The following ABCC10 variants were observed in gnomAD, a reference collection of about 807,000 sequenced individuals.
ABCC10 encodes the protein ATP-binding cassette sub-family C member 10.
A neutral mutation model predicts 143.2 loss-of-function variants in ABCC10; 110 were observed. That is an observed-to-expected ratio of 0.77 (90% CI 0.66 to 0.90). ABCC10 has a LOEUF of 0.90. ABCC10 is among the 40% of genes least tolerant of loss of function. The pLI is 0.00. For missense variants in ABCC10, 1,700 were observed against 1,900.5 expected (o/e 0.89, Z 1.96); for synonymous variants, 805 against 846.7 (o/e 0.95, Z 0.85).
intron 9 of ABCC10, 22 bp from the exon 10 acceptor site, chr6:43,442,948 C>T (rs538074778): frequency 3.0e-5 from 46 of 1,546,208 alleles, no homozygotes; most frequent in Middle Eastern, 3.5e-4. Context: ...CTGGTGCCCA[C>T]GGTACCCTCA....
At chr6:43,448,314 A>C (rs1355748426) in intron 18 of ABCC10, among the ~76,000 whole-genome samples, 1 of 152,150 alleles carries the variant, frequency 6.6e-6, no homozygotes, top group Non-Finnish European at 1.5e-5. Flanking sequence ...GCCTCACTGG[A>C]GGGTATACAA....
At chr6:43,431,293 A>G (rs1581700677) in intron 2 of ABCC10, among the ~76,000 whole-genome samples, 1 of 152,362 alleles carries the variant, frequency 6.6e-6, no homozygotes, top group Non-Finnish European at 1.5e-5. Context: ...ATTTAAGGGT[A>G]CTGTTAGGTG....
At chr6:43,437,749 A>C (rs1334228462) in intron 6 of ABCC10, among the ~76,000 whole-genome samples, 185 bp from the exon 7 acceptor site, 1 of 151,252 alleles carries the variant, frequency 6.6e-6, no homozygotes, top group African/African-American at 2.4e-5. Flanking sequence ...AAAACACCCT[A>C]CTTTTCTAGA....
downstream of ABCC10, among the ~76,000 whole-genome samples, chr6:43,451,759 CA>C (rs1222310539): frequency 3.4e-5 from 5 of 146,500 alleles, no homozygotes; most frequent in African/African-American, 7.5e-5. This position sits in a 1 kb window ranked among gnomAD's most constrained non-coding sequence, Gnocchi z 4.4. Flanking sequence ...TCAGAAGGTA[CA>C]AAAAAAAAAG....
At position 43,442,992 on chromosome 6, in the gene ABCC10, A is replaced by T; in HGVS notation, c.2249A>T (p.Asp750Val). The change falls in exon 10 of 22, where the codon GAT becomes GTT. Residue 750 changes from aspartate to valine, a missense_variant. By Grantham distance (152) the Asp-to-Val change is radical (BLOSUM62 -3). Transcript: ENST00000372530. ...TAGGAAAAGGAGCTCTATCTCCTCGATGACCCTCTGGCCGCTGTGGATGCA... is the reference window on the plus strand; with the variant it reads ...TAGGAAAAGGAGCTCTATCTCCTCGTTGACCCTCTGGCCGCTGTGGATGCA... The part of the protein sequence containing the change: ...VYQEKELYLL[D>V]DPLAAVDADV... 1 of 1,602,144 alleles carries T rather than the reference A, an allele frequency of 6.2e-7. No individual in the cohort carries two copies. The highest frequency in any genetic ancestry group is 8.5e-7 in the Non-Finnish European group (1 of 1,174,766).
chr6:43,449,619 T>A (rs1339226424), intron 21 of ABCC10, 85 bp downstream of exon 21: 4 of 1,170,372 alleles, frequency 3.4e-6, no homozygotes, highest in Non-Finnish European at 4.9e-6. Flanking sequence ...ACCCCAGTGG[T>A]CAGGGCCTTA....
chr6:43,445,525 A>G, intron 14 of ABCC10, 74 bp from the exon 15 acceptor site: 1 of 1,444,310 alleles, frequency 6.9e-7, no homozygotes, highest in Non-Finnish European at 9.5e-7. Flanking sequence ...CCTCCACCCC[A>G]CCTCCCCCAG....
At chr6:43,439,740 T>C (rs535760595) in intron 8 of ABCC10, among the ~76,000 whole-genome samples, 98 of 151,172 alleles carry the variant, frequency 6.5e-4, no homozygotes, top group Non-Finnish European at 9.7e-4. Flanking sequence ...CGTGCCACCA[T>C]GCCCAGCTAA....
In ABCC10 at chr6:43,432,546, G is replaced by A. The variant is rs1480336375; in HGVS notation, c.566G>A (p.Trp189Ter). 1 of 1,613,054 alleles carries A rather than the reference G, an allele frequency of 6.2e-7. No homozygotes were observed. Among genetic ancestry groups the A allele is most frequent in the Admixed American group, 1.7e-5 (1 of 60,030 alleles). The change falls in exon 3 of 22, where the codon TGG becomes TAG. Residue 189 changes from tryptophan (W) to a stop codon, truncating the protein, a stop_gained. Transcript: ENST00000372530. LOFTEE classifies it high-confidence loss of function. ...GCACTCTTGGCCTATGCACTGGGAT[G>A]GGCAGCTCCTGGGGGACCACGAGAA... is the stretch of plus-strand genomic sequence containing the variant. ...LAALLAYALGWAAPGGPREPW... is the reference protein window; with the variant it reads ...LAALLAYALG
intron 4 of ABCC10, 143 bp downstream of exon 4, chr6:43,434,991 CT>C: frequency 1.2e-6 from 1 of 839,564 alleles, no homozygotes. Context: ...CTGAAGAAAC[CT>C]TTTTGTGGGG....
At chr6:43,435,698 A>AT in intron 4 of ABCC10, 53 bp from the exon 5 acceptor site, 1 of 1,591,002 alleles carries the variant, frequency 6.3e-7, no homozygotes, top group East Asian at 2.2e-5. Context: ...CTTCCCATAG[A>AT]AACAGGCCCT....
Position 43,445,951 on chromosome 6 carries a change from A to G in ABCC10, c.3374+9A>G, listed in dbSNP as rs369273723. On this transcript the variant is annotated intron_variant, in intron 15 of 21. Coordinates refer to ENST00000372530, the MANE Select transcript of ABCC10 (RefSeq NM_001198934.2). ...ACAGGGGCCACCTACAGGTGTGTGA[A>G]CCAGAGCCCAGGGGGATGAGGTGTT... 3.7e-6 allele frequency: 6 copies of G among 1,606,466 alleles called. No homozygotes were observed. The African/African-American group carries it at 6.7e-5, about 18-fold the overall frequency.
rs1477627338 is a variant in ABCC10 at position 43,444,952 on chromosome 6, G to A, written c.2840+14G>A. On this transcript the variant is annotated intron_variant, in intron 13 of 21. Transcript: ENST00000372530. ...TGGAAACCTCTAGTGAGTGGCTGGG[G>A]CTGGGGGTAGGCCTGGTGCTCTCAG... 2 of 1,604,980 alleles carry A rather than the reference G, an allele frequency of 1.2e-6. No homozygotes were observed. Among genetic ancestry groups the A allele is most frequent in the African/African-American group, 2.7e-5 (2 of 74,656 alleles).
In ABCC10 at chr6:43,443,108, G is replaced by A. The variant is rs1782660127; in HGVS notation, c.2365G>A (p.Glu789Lys). The A allele has an allele frequency of 3.1e-6, 5 of 1,611,260 alleles. No homozygotes were observed. In the South Asian group the frequency reaches 5.5e-5, roughly 18 times the overall value. ...LLCTHRTEYL[E>K]RADAVLLMEA... ...CTGCACCCACCGCACTGAGTACCTG[G>A]AGAGGGCTGACGCGGTGCTGCTGAT... is the stretch of plus-strand genomic sequence containing the variant. The change falls in exon 10 of 22, where the codon GAG becomes AAG. Residue 789 changes from glutamate to lysine, a missense_variant. Glu to Lys is a moderately conservative substitution (Grantham distance 56). Transcript: ENST00000372530. This position sits in a 1 kb window ranked among gnomAD's most constrained non-coding sequence, Gnocchi z 4.2.
downstream of ABCC10, among the ~76,000 whole-genome samples, chr6:43,451,559 A>G (rs1378578859): frequency 6.6e-6 from 1 of 152,184 alleles, no homozygotes; most frequent in South Asian, 2.1e-4. This position sits in a 1 kb window ranked among gnomAD's most constrained non-coding sequence, Gnocchi z 4.4. Flanking sequence ...CCTGATGCAG[A>G]AATGAGGACA....
At chr6:43,451,200 A>T (rs1268298763), downstream of ABCC10, 18 of 1,614,068 alleles carry the variant, frequency 1.1e-5, no homozygotes, top group Non-Finnish European at 1.4e-5. This position sits in a 1 kb window ranked among gnomAD's most constrained non-coding sequence, Gnocchi z 4.4. Context: ...CACAAAGCCC[A>T]CCAAGCAGCG....
At position 43,438,692 on chromosome 6, in the gene ABCC10, T is replaced by A; in HGVS notation, c.2024T>A (p.Ile675Asn). The A allele has an allele frequency of 6.2e-7, 1 of 1,614,204 alleles. No homozygotes were observed. Among genetic ancestry groups the A allele is most frequent in the Non-Finnish European group, 8.5e-7 (1 of 1,180,022 alleles). ...GFGLATQEPW[I>N]QFATIRDNIL... ...GGCCTGGCCACCCAGGAACCCTGGATCCAGTTTGCCACCATCCGAGACAAC... is the reference window on the plus strand; with the variant it reads ...GGCCTGGCCACCCAGGAACCCTGGAACCAGTTTGCCACCATCCGAGACAAC... The change falls in exon 8 of 22, where the codon ATC becomes AAC. Residue 675 changes from isoleucine (I) to asparagine (N), a missense_variant. Ile to Asn is a moderately radical substitution (Grantham distance 149, BLOSUM62 -3). Transcript: ENST00000372530.
chr6:43,443,961 A>G lies in ABCC10; in HGVS notation c.2445A>G (p.Val815=). ...AGPPSEILPL[V]QAVPKAWAEN... is the part of the protein sequence containing the mutation. ...CTCCCTCTGAGATTCTGCCACTGGTACAAGCTGTCCCCAAAGCCTGGGCTG... is the reference window on the plus strand; with the variant it reads ...CTCCCTCTGAGATTCTGCCACTGGTGCAAGCTGTCCCCAAAGCCTGGGCTG... The change falls in exon 11 of 22, where the codon GTA becomes GTG. Residue 815 remains valine (V), a synonymous_variant. Transcript: ENST00000372530. This position sits in a 1 kb window ranked among gnomAD's most constrained non-coding sequence, Gnocchi z 4.2. 1.2e-6 allele frequency: 2 copies of G among 1,614,184 alleles called. No individual in the cohort carries two copies. Among genetic ancestry groups the G allele is most frequent in the Non-Finnish European group, 1.7e-6 (2 of 1,179,988 alleles).
intron 1 of ABCC10, 96 bp from the exon 2 acceptor site, chr6:43,427,872 T>G: frequency 5.6e-6 from 8 of 1,434,194 alleles, no homozygotes; most frequent in Non-Finnish European, 7.8e-6. Context: ...CGGTCCCGGT[T>G]CCAGGGCGGG....
Sources: gnomAD v4.1 joint callset for allele counts (sites outside exome capture counted in the v4.1 genomes callset) on GRCh38, gnomAD v4.1.1 for gene constraint, Gnocchi (gnomAD v3.1) non-coding constraint, MANE v1.5 for transcripts, NCBI Gene and HGNC (gene_info 2026-07-23, HGNC 2026-07-21) for gene names.